The following CADM2 variants were observed in gnomAD, a reference collection of about 807,000 sequenced individuals.
CADM2 encodes the protein cell adhesion molecule 2.
A neutral mutation model predicts 49.8 loss-of-function variants in CADM2; 12 were observed. That is an observed-to-expected ratio of 0.24 (90% confidence interval 0.15 to 0.39). The LOEUF is 0.39. Ranked by LOEUF, CADM2 falls within the 10% of genes least tolerant of loss-of-function variation. CADM2 has a pLI of 1.00. For missense variants in CADM2, 378 were observed against 492.3 expected, an observed-to-expected ratio of 0.77 and a Z score of 2.20; for synonymous variants, 214 against 175.4, an observed-to-expected ratio of 1.22 and a Z score of -1.74.
chr3:85,559,008 A>T (rs967018224), intron 1 of CADM2, among the ~76,000 whole-genome samples: 1 of 152,118 alleles, frequency 6.6e-6, no homozygotes, highest in Non-Finnish European at 1.5e-5. Flanking sequence ...TATGAGAGTT[A>T]GATTGAATTA....
chr3:85,460,733 G>GGTGTGTGT (rs57401290), intron 1 of CADM2, among the ~76,000 whole-genome samples: 2,161 of 149,048 alleles, frequency 0.014, 25 homozygotes, highest in East Asian at 0.054. Flanking sequence ...TGGGAGATGT[G>GGTGTGTGT]GTGTGTGTGT....
At chr3:85,858,522 A>G (rs1376339975) in intron 3 of CADM2, among the ~76,000 whole-genome samples, 1 of 152,224 alleles carries the variant, frequency 6.6e-6, no homozygotes, top group Non-Finnish European at 1.5e-5. Flanking sequence ...AGAAAATGAG[A>G]AAAACTGAAT....
chr3:85,231,273 A>G (rs1382925384), intron 1 of CADM2, among the ~76,000 whole-genome samples: 1 of 152,174 alleles, frequency 6.6e-6, no homozygotes, highest in East Asian at 1.9e-4. Context: ...CTTTGTGTGC[A>G]AATTCTCCCA....
chr3:85,881,553 C>T (rs749026886), intron 3 of CADM2, among the ~76,000 whole-genome samples: 13 of 152,014 alleles, frequency 8.6e-5, no homozygotes, highest in South Asian at 4.1e-4. Flanking sequence ...ACATGCTAGT[C>T]CTAGCTTTCA....
intron 1 of CADM2, among the ~76,000 whole-genome samples, chr3:85,632,767 A>G (rs116092337): frequency 6.8e-4 from 104 of 152,132 alleles, no homozygotes; most frequent in African/African-American, 2.4e-3. Flanking sequence ...ATTTATTTAG[A>G]GTCCCAGTAG....
chr3:85,859,128 T>A (rs867970553), intron 3 of CADM2, among the ~76,000 whole-genome samples: 34 of 151,852 alleles, frequency 2.2e-4, no homozygotes, highest in African/African-American at 7.7e-4. Flanking sequence ...AACCCATTAC[T>A]CACACACTAA....
At chr3:85,461,081 A>G (rs549865991) in intron 1 of CADM2, among the ~76,000 whole-genome samples, 6 of 152,318 alleles carry the variant, frequency 3.9e-5, no homozygotes, top group Admixed American at 3.9e-4. Context: ...AGCAAAATTC[A>G]GTGGAAGGTA....
intron 1 of CADM2, among the ~76,000 whole-genome samples, chr3:85,372,629 C>G (rs2033333727): frequency 6.6e-6 from 1 of 151,908 alleles, no homozygotes; most frequent in African/African-American, 2.4e-5. Context: ...GGTCCTAATA[C>G]TAGAAATTCA....
At chr3:85,993,336 T>C (rs529763724) in intron 8 of CADM2, 23 of 152,232 alleles carry the variant, frequency 1.5e-4, no homozygotes, top group Non-Finnish European at 2.4e-4. Flanking sequence ...AGTGATTCAC[T>C]CACATCTTTA....
chr3:85,929,903 A>G (rs975072808), intron 6 of CADM2, among the ~76,000 whole-genome samples: 8 of 152,022 alleles, frequency 5.3e-5, no homozygotes, highest in African/African-American at 1.9e-4. Context: ...ATGAAAATAA[A>G]TAGAAATAAT....
intron 1 of CADM2, among the ~76,000 whole-genome samples, chr3:85,321,241 C>T (rs547067794): frequency 4.2e-5 from 6 of 141,356 alleles, no homozygotes; most frequent in Admixed American, 1.5e-4. Flanking sequence ...GGTGGGATCT[C>T]GGTTCACTGC....
chr3:85,910,588 T>A (rs531320837), intron 5 of CADM2, among the ~76,000 whole-genome samples: 1 of 152,244 alleles, frequency 6.6e-6, no homozygotes, highest in Admixed American at 6.5e-5. Context: ...AGGACACGTT[T>A]ATAAACAATT....
intron 1 of CADM2, among the ~76,000 whole-genome samples, chr3:84,998,646 A>G (rs1013613705): frequency 2.0e-5 from 3 of 152,132 alleles, no homozygotes; most frequent in Non-Finnish European, 4.4e-5. Flanking sequence ...ACGCTTGCTA[A>G]CAATTGTTCT....
At chr3:85,751,127 A>C (rs576365444) in intron 2 of CADM2, among the ~76,000 whole-genome samples, 1 of 152,206 alleles carries the variant, frequency 6.6e-6, no homozygotes, top group Admixed American at 6.6e-5. Flanking sequence ...CTGGGAAGAA[A>C]CCCGAGAGGT....
chr3:85,439,838 AAT>A (rs1481722011), intron 1 of CADM2, among the ~76,000 whole-genome samples: 1 of 152,176 alleles, frequency 6.6e-6, no homozygotes, highest in Admixed American at 6.5e-5. Context: ...AGGTGCATTA[AAT>A]AGAGGGTTAA....
intron 1 of CADM2, among the ~76,000 whole-genome samples, chr3:85,133,748 CA>C (rs2039313528): frequency 9.9e-5 from 15 of 152,242 alleles, no homozygotes; most frequent in Non-Finnish European, 2.1e-4. Context: ...CTGAGCTAGA[CA>C]TAAAGGTTCT....
At chr3:85,377,963 A>T (rs1014646891) in intron 1 of CADM2, among the ~76,000 whole-genome samples, 1 of 152,086 alleles carries the variant, frequency 6.6e-6, no homozygotes, top group Non-Finnish European at 1.5e-5. Flanking sequence ...TGTAGCTAAG[A>T]TAGTAATGAA....
chr3:85,122,363 T>C (rs1164153490), intron 1 of CADM2, among the ~76,000 whole-genome samples: 1 of 152,140 alleles, frequency 6.6e-6, no homozygotes, highest in Non-Finnish European at 1.5e-5. Context: ...TTACTGGACC[T>C]TTTTACTGTA....
chr3:85,835,083 G>A (rs1213290897), intron 3 of CADM2, among the ~76,000 whole-genome samples: 1 of 151,550 alleles, frequency 6.6e-6, no homozygotes, highest in Non-Finnish European at 1.5e-5. Flanking sequence ...GTAAAGAAAT[G>A]TGTAACTTCT....
Sources: allele counts gnomAD v4.1 joint callset (sites outside exome capture counted in the v4.1 genomes callset), GRCh38; gene constraint gnomAD v4.1.1; transcripts MANE v1.5; gene names NCBI Gene and HGNC (gene_info 2026-07-23, HGNC 2026-07-21).